The following IPO5 variants were observed in gnomAD, a reference collection of about 807,000 sequenced individuals.
The protein encoded by IPO5 is importin-5.
A neutral mutation model predicts 143.3 loss-of-function variants in IPO5; 18 were observed. The ratio of observed to expected loss-of-function variants is 0.13; its 90% CI spans 0.09 to 0.19. IPO5 has a LOEUF of 0.19. Ranked by LOEUF, IPO5 falls within the 10% of genes least tolerant of loss-of-function variation. IPO5 has a pLI of 1.00. For missense variants in IPO5, 1,013 were observed against 1,336.9 expected, an observed-to-expected ratio of 0.76 and a Z score of 3.78; for synonymous variants, 477 against 465.7, an observed-to-expected ratio of 1.02 and a Z score of -0.31.
chr13:97,965,501 C>G (rs1426176426), intron 2 of IPO5, among the ~76,000 whole-genome samples: 1 of 151,998 alleles, frequency 6.6e-6, no homozygotes, highest in East Asian at 1.9e-4. Flanking sequence ...ACTGTGTTTC[C>G]ATTTATTTAG....
chr13:98,021,201 A>G (rs1425434576), intron 28 of IPO5, 68 bp downstream of exon 28: 1 of 1,374,600 alleles, frequency 7.3e-7, no homozygotes, highest in African/African-American at 1.5e-5. Flanking sequence ...CCTCTATGAG[A>G]AGAAACTAGA....
At chr13:98,004,972 C>T (rs1222461442) in intron 16 of IPO5, among the ~76,000 whole-genome samples, 1 of 151,814 alleles carries the variant, frequency 6.6e-6, no homozygotes, top group East Asian at 1.9e-4. Context: ...CTCTGCTCAC[C>T]GCAACCGCCG....
chr13:97,976,043 T>G, intron 3 of IPO5: 1 of 815,104 alleles, frequency 1.2e-6, no homozygotes, highest in Non-Finnish European at 1.5e-6. Flanking sequence ...TGGGGGTGGG[T>G]GAAGGGCTGG....
chr13:97,966,781 G>A (rs1484868541), intron 2 of IPO5, among the ~76,000 whole-genome samples: 1 of 152,190 alleles, frequency 6.6e-6, no homozygotes, highest in Non-Finnish European at 1.5e-5. Context: ...GCTCACGCCT[G>A]TAGTCAAAGC....
intron 7 of IPO5, 76 bp from the exon 8 acceptor site, chr13:97,990,050 T>C (rs1466800229): frequency 1.2e-6 from 1 of 858,898 alleles, no homozygotes; most frequent in African/African-American, 1.7e-5. Flanking sequence ...AAACAGTTCA[T>C]TAGAGATTCT....
intron 4 of IPO5, chr13:97,977,046 G>C (rs1468112993): frequency 1.0e-5 from 2 of 197,564 alleles, no homozygotes; most frequent in Non-Finnish European, 2.2e-5. Context: ...CTCCCGACGC[G>C]CCCCCGTCCA....
At chr13:98,013,216 C>T (rs1889857403) in intron 21 of IPO5, among the ~76,000 whole-genome samples, 1 of 152,090 alleles carries the variant, frequency 6.6e-6, no homozygotes, top group African/African-American at 2.4e-5. Flanking sequence ...CTACCATGCC[C>T]AGCTAATTTT....
intron 17 of IPO5, chr13:98,007,574 C>CCA (rs1372288059): frequency 1.3e-5 from 2 of 152,296 alleles, no homozygotes; most frequent in Non-Finnish European, 2.9e-5. Context: ...GAGACGCTGA[C>CCA]CACTAAAACA....
intron 20 of IPO5, 71 bp from the exon 21 acceptor site, chr13:98,012,175 T>A (rs1297736344): frequency 2.3e-6 from 2 of 879,890 alleles, no homozygotes; most frequent in East Asian, 4.8e-5. Flanking sequence ...CCTTATGATT[T>A]TGCTGTTTGT....
Position 98,018,640 on chromosome 13 carries a change from A to C in IPO5, c.2772A>C (p.Ala924=). 7 of 1,614,232 alleles carry C rather than the reference A, an allele frequency of 4.3e-6. No individual in the cohort carries two copies. Among genetic ancestry groups the C allele is most frequent in the Non-Finnish European group, 5.9e-6 (7 of 1,180,034 alleles). ...VCDNSPEVRQ[A]AAYGLGVMAQ... is the part of the protein sequence containing the mutation. ...ACAACAGCCCAGAAGTCAGGCAAGCAGCTGCATATGGCCTGGGAGTCATGG... is the reference window on the plus strand; with the variant it reads ...ACAACAGCCCAGAAGTCAGGCAAGCCGCTGCATATGGCCTGGGAGTCATGG... The change falls in exon 26 of 29, where the codon GCA becomes GCC. Residue 924 remains alanine (A), a synonymous_variant. Coordinates refer to ENST00000651721, the MANE Select transcript of IPO5 (RefSeq NM_002271.6).
intron 4 of IPO5, chr13:97,980,019 G>A (rs1211048914): frequency 4.0e-5 from 18 of 451,750 alleles, no homozygotes; most frequent in South Asian, 7.8e-5. Flanking sequence ...GGGAAGAGGC[G>A]GAGGAGAAGT....
chr13:98,005,140 G>A (rs192591759), intron 16 of IPO5, among the ~76,000 whole-genome samples: 385 of 149,840 alleles, frequency 2.6e-3, no homozygotes, highest in Non-Finnish European at 4.4e-3. Context: ...CAAGTCATCC[G>A]CCCACCTGGG....
intron 4 of IPO5, among the ~76,000 whole-genome samples, chr13:97,980,687 C>T (rs1222749891): frequency 6.6e-6 from 1 of 151,954 alleles, no homozygotes. Flanking sequence ...ATTAGCCGGG[C>T]GCGGTGGCAG....
rs1238568674 is a variant in IPO5 at position 98,012,809 on chromosome 13, T to TTTTTTTTTTTTTTG, written c.2152+480_2152+481insGTTTTTTTTTTTTT. ...AAGCCCAGCTAGATTTGATTTTTTT[T>TTTTTTTTTTTTTTG]TTTTTTTTTTTTTTTTTTAAGAGAT... On this transcript the variant is annotated intron_variant, in intron 21 of 28. Transcript: ENST00000651721. 0.013 allele frequency among the ~76,000 whole-genome samples: 1,956 copies of TTTTTTTTTTTTTTG among 146,592 alleles called. 154 individuals carry two copies. The East Asian group carries it at 0.19, about 14-fold the overall frequency.
chr13:97,981,355 T>G, intron 4 of IPO5: 1 of 434,776 alleles, frequency 2.3e-6, no homozygotes, highest in Non-Finnish European at 4.6e-6. Flanking sequence ...ATGGTTGGCC[T>G]TAGAGGACCA....
In IPO5 at chr13:97,969,848, G is replaced by A. The variant is rs373803643; in HGVS notation, c.-5+18G>A. On this transcript the variant is annotated intron_variant, in intron 3 of 28. Coordinates refer to ENST00000651721, the MANE Select transcript of IPO5 (RefSeq NM_002271.6). Reference sequence around the variant, plus strand: ...ACAATAAGGTAACTGATTTCACCTGGGGAAAAGTCACTTCCTGTTTTGTTT... The same window carrying A: ...ACAATAAGGTAACTGATTTCACCTGAGGAAAAGTCACTTCCTGTTTTGTTT... 1.1e-4 allele frequency: 168 copies of A among 1,590,692 alleles called. 1 individual carries two copies. In the African/African-American group the frequency reaches 2.1e-3, roughly 20 times the overall value.
intron 11 of IPO5, among the ~76,000 whole-genome samples, chr13:97,996,771 T>A (rs1888327966): frequency 6.6e-6 from 1 of 152,050 alleles, no homozygotes; most frequent in African/African-American, 2.4e-5. Context: ...CCCGGCTAAT[T>A]TTTTTGTTTT....
intron 3 of IPO5, among the ~76,000 whole-genome samples, chr13:97,971,108 C>T (rs915201189): frequency 6.6e-6 from 1 of 152,226 alleles, no homozygotes; most frequent in African/African-American, 2.4e-5. Flanking sequence ...TGCACATTGG[C>T]CGGCTCTGGA....
In IPO5 at chr13:98,002,542, G is replaced by T; in HGVS notation, c.1184G>T (p.Gly395Val). The T allele has an allele frequency of 6.8e-6, 11 of 1,613,920 alleles. No individual in the cohort carries two copies. The highest frequency in any genetic ancestry group is 8.5e-6 in the Non-Finnish European group (10 of 1,179,826). ...IGEGCHQQME[G>V]ILNEIVNFVL... ...GAAGGGTGCCACCAGCAAATGGAAGGAATTCTAAATGAGATCGTAAATTTT... is the reference window on the plus strand; with the variant it reads ...GAAGGGTGCCACCAGCAAATGGAAGTAATTCTAAATGAGATCGTAAATTTT... The change falls in exon 14 of 29, where the codon GGA becomes GTA. Residue 395 changes from glycine to valine, a missense_variant. Physicochemically the swap from Gly to Val is moderately radical, Grantham distance 109. Coordinates refer to ENST00000651721, the MANE Select transcript of IPO5 (RefSeq NM_002271.6).
Sources: allele counts gnomAD v4.1 joint callset (sites outside exome capture counted in the v4.1 genomes callset), GRCh38; gene constraint gnomAD v4.1.1; transcripts MANE v1.5; gene names NCBI Gene and HGNC (gene_info 2026-07-23, HGNC 2026-07-21).